Variants in SPEF2 observed in about 807,000 individuals in gnomAD.
The protein encoded by SPEF2 is sperm flagellar and cilia associated 2, also known as sperm flagella and cilia-associated protein 2.
Under a neutral mutation model 224.6 loss-of-function variants are expected in SPEF2, and 187 were observed. The observed-to-expected ratio is 0.83, with a 90% CI of 0.74 to 0.94. The LOEUF (loss-of-function observed/expected upper bound fraction) is 0.94. Among genes scored for constraint, SPEF2 ranks in the 40% least tolerant of loss-of-function variants. SPEF2 has a pLI of 0.00. For missense variants in SPEF2, 2,170 were observed against 2,135.6 expected (o/e 1.02, Z -0.32); for synonymous variants, 715 against 707.3 (o/e 1.01, Z -0.17).
At chr5:35,718,153 C>T (rs971570940) in intron 20 of SPEF2, among the ~76,000 whole-genome samples, 6 of 152,274 alleles carry the variant, frequency 3.9e-5, no homozygotes, top group Admixed American at 6.5e-5. Flanking sequence ...TAGGCCAAAA[C>T]CCCAACTGGT....
At chr5:35,746,998 G>T (rs370615989) in intron 23 of SPEF2, among the ~76,000 whole-genome samples, 1 of 152,174 alleles carries the variant, frequency 6.6e-6, no homozygotes, top group South Asian at 2.1e-4. Flanking sequence ...AAAGCTAGAA[G>T]GGATTAGGGC....
Position 35,697,739 on chromosome 5 carries a change from A to T in SPEF2, c.2087A>T (p.Lys696Ile). The T allele has an allele frequency of 6.2e-7, 1 of 1,613,452 alleles. No individual in the cohort carries two copies. Among genetic ancestry groups the T allele is most frequent in the Non-Finnish European group, 8.5e-7 (1 of 1,179,650 alleles). ...LGAKSEQLLK[K>I]GKSIPDVLLV... ...GCAAAATCAGAACAGTTGCTGAAGAAAGGAAAGAGCATTCCTGATGTGCTG... is the reference window on the plus strand; with the variant it reads ...GCAAAATCAGAACAGTTGCTGAAGATAGGAAAGAGCATTCCTGATGTGCTG... Residue 696 changes from lysine (K) to isoleucine (I), a missense_variant, in exon 15 of 37, where the codon AAA (lysine) becomes ATA (isoleucine). Coordinates refer to ENST00000356031, the MANE Select transcript of SPEF2 (RefSeq NM_024867.4).
Position 35,712,998 on chromosome 5 carries a change from T to G in SPEF2, c.2914+112T>G. On this transcript the variant is annotated intron_variant, in intron 20 of 36. Coordinates refer to ENST00000356031, the MANE Select transcript of SPEF2 (RefSeq NM_024867.4). ...ATACATTGACCACTTCTCTCAGGCATTTGTAAATCATAAGCCCTTGCCAAA... is the reference window on the plus strand; with the variant it reads ...ATACATTGACCACTTCTCTCAGGCAGTTGTAAATCATAAGCCCTTGCCAAA... 6.2e-6 allele frequency: 6 copies of G among 974,962 alleles called. No individual in the cohort carries two copies. The South Asian group carries it at 1.0e-4, about 17-fold the overall frequency. 60.4% of individuals were successfully genotyped at this position (974,962 alleles called of 1,614,324 possible).
chr5:35,661,265 T>TAG (rs1749675269), intron 8 of SPEF2, among the ~76,000 whole-genome samples: 1 of 14,804 alleles, frequency 6.8e-5, no homozygotes, highest in African/African-American at 5.9e-4. Context: ...TATATATATA[T>TAG]ATATATATAT....
intron 31 of SPEF2, 25 bp downstream of exon 31, chr5:35,792,471 G>T: frequency 6.3e-7 from 1 of 1,593,948 alleles, no homozygotes; most frequent in Non-Finnish European, 8.6e-7. Context: ...TGTTTGAGTT[G>T]TAAAGCTTTA....
chr5:35,703,148 CT>C (rs1739026658), intron 16 of SPEF2, among the ~76,000 whole-genome samples: 6 of 126,882 alleles, frequency 4.7e-5, no homozygotes, highest in Admixed American at 2.3e-4. Context: ...AAGGGTCTCT[CT>C]ATATATATAT....
chr5:35,678,734 T>G (rs920377750), intron 10 of SPEF2: 1 of 152,190 alleles, frequency 6.6e-6, no homozygotes, highest in Non-Finnish European at 1.5e-5. Flanking sequence ...AGAATTCAGC[T>G]GCACTTCAGC....
chr5:35,700,201 G>T, intron 15 of SPEF2: 1 of 337,406 alleles, frequency 3.0e-6, no homozygotes, highest in South Asian at 5.3e-5. Context: ...GCCCAGTCTT[G>T]GGTATGTCTT....
chr5:35,753,253 AT>A (rs1749949951), intron 23 of SPEF2, among the ~76,000 whole-genome samples: 3 of 151,922 alleles, frequency 2.0e-5, no homozygotes, highest in East Asian at 1.9e-4. Context: ...ACAGCTGCAT[AT>A]TTTTTTCCAC....
chr5:35,654,754 A>G (rs758256689), intron 7 of SPEF2, 28 bp downstream of exon 7: 4 of 1,581,288 alleles, frequency 2.5e-6, no homozygotes, highest in African/African-American at 1.4e-5. Flanking sequence ...AGGTTAAGTA[A>G]TAGTGCTGGG....
At chr5:35,695,440 G>A (rs1755168649) in intron 13 of SPEF2, among the ~76,000 whole-genome samples, 1 of 151,874 alleles carries the variant, frequency 6.6e-6, no homozygotes, top group South Asian at 2.1e-4. Context: ...CCCCGACTGT[G>A]TTAAAGTATT....
chr5:35,705,703 C>G lies in SPEF2; in HGVS notation c.2560C>G (p.Pro854Ala). The change falls in exon 18 of 37, where the codon CCA (proline) becomes GCA (alanine). Residue 854 changes from proline (P) to alanine (A), a missense_variant. By Grantham distance (27) the Pro-to-Ala change is conservative. Coordinates refer to ENST00000356031, the MANE Select transcript of SPEF2 (RefSeq NM_024867.4). ...WPLLEQWFSE[P>A]ENILIKINAE... ...TTTATTGGAGCAATGGTTTTCAGAG[C>G]CAGAAAATATTTTGATAAAAATCAA... 3.1e-6 allele frequency: 5 copies of G among 1,590,000 alleles called. No homozygotes were observed. Among genetic ancestry groups the G allele is most frequent in the Non-Finnish European group, 4.3e-6 (5 of 1,172,494 alleles).
At chr5:35,774,760 C>T (rs1343796303) in intron 28 of SPEF2, among the ~76,000 whole-genome samples, 1 of 152,186 alleles carries the variant, frequency 6.6e-6, no homozygotes, top group African/African-American at 2.4e-5. Context: ...CTATTAACTA[C>T]TAAGTATGAT....
At chr5:35,646,241 G>T (rs747036645) in intron 4 of SPEF2, among the ~76,000 whole-genome samples, 4 of 152,016 alleles carry the variant, frequency 2.6e-5, no homozygotes, top group Admixed American at 6.6e-5. Flanking sequence ...ATTGGGTTTC[G>T]CAGGAGCCCT....
chr5:35,807,049 T>C (rs1758159338), intron 35 of SPEF2, 82 bp from the exon 36 acceptor site: 1 of 1,560,802 alleles, frequency 6.4e-7, no homozygotes, highest in Admixed American at 2.1e-5. Flanking sequence ...TTATACAGAA[T>C]CTCTTTAGTA....
At chr5:35,805,130 G>T (rs114961763) in intron 34 of SPEF2, among the ~76,000 whole-genome samples, 4,160 of 152,230 alleles carry the variant, frequency 0.027, 92 homozygotes, top group Non-Finnish European at 0.044. Flanking sequence ...ACAAAAGCCT[G>T]CAGGAAAATT....
chr5:35,760,748 G>C (rs1751167666), intron 25 of SPEF2, among the ~76,000 whole-genome samples: 1 of 152,142 alleles, frequency 6.6e-6, no homozygotes, highest in Non-Finnish European at 1.5e-5. Flanking sequence ...TGAACAGATA[G>C]AAAAATGTCT....
intron 33 of SPEF2, among the ~76,000 whole-genome samples, chr5:35,797,602 T>C (rs1184837431): frequency 1.3e-5 from 2 of 152,242 alleles, no homozygotes; most frequent in South Asian, 2.1e-4. Context: ...TGTGTGGTAC[T>C]CTTGGAACAG....
At chr5:35,800,866 C>G (rs1031992926) in intron 34 of SPEF2, among the ~76,000 whole-genome samples, 1 of 152,100 alleles carries the variant, frequency 6.6e-6, no homozygotes, top group African/African-American at 2.4e-5. Flanking sequence ...GCTGCCCAGT[C>G]GAGACTCCTC....
Sources: allele counts gnomAD v4.1 joint callset (sites outside exome capture counted in the v4.1 genomes callset), GRCh38; gene constraint gnomAD v4.1.1; transcripts MANE v1.5; gene names NCBI Gene and HGNC (gene_info 2026-07-23, HGNC 2026-07-21).